CCDC102B: variants seen among roughly 807,000 people sequenced by gnomAD.
The protein encoded by CCDC102B is coiled-coil domain containing 102B.
CCDC102B carries 75 observed loss-of-function variants against 57.4 expected under a neutral mutation model. The observed-to-expected ratio is 1.31, with a 90% CI of 1.08 to 1.58. CCDC102B has a LOEUF of 1.58. Ranked by LOEUF, CCDC102B falls within the 40% of genes most tolerant of loss-of-function variation. The probability of loss-of-function intolerance (pLI) is 0.00; values close to 1 mark genes in which losing one functional copy is unlikely to be tolerated. For missense variants in CCDC102B, 636 were observed against 582.6 expected, an observed-to-expected ratio of 1.09 and a Z score of -0.94; for synonymous variants, 206 against 201.9, an observed-to-expected ratio of 1.02 and a Z score of -0.17.
chr18:68,777,248 T>C (rs2144626412), intron 2 of CCDC102B, among the ~76,000 whole-genome samples: 1 of 152,342 alleles, frequency 6.6e-6, no homozygotes, highest in East Asian at 1.9e-4. Flanking sequence ...CTTTGCTGTA[T>C]CTTTCTTCTC....
At chr18:68,942,013 TCGTA>T (rs2049392836) in intron 6 of CCDC102B, among the ~76,000 whole-genome samples, 1 of 151,992 alleles carries the variant, frequency 6.6e-6, no homozygotes, top group South Asian at 2.1e-4. Flanking sequence ...GCTCGTCAAC[TCGTA>T]CTGAAAAAGC....
chr18:68,820,339 T>C (rs191762137), intron 1 of CCDC102B, among the ~76,000 whole-genome samples: 1 of 152,284 alleles, frequency 6.6e-6, no homozygotes, highest in Non-Finnish European at 1.5e-5. Flanking sequence ...TAACATGGTT[T>C]ATTAAGTCAA....
At chr18:68,804,216 T>C (rs1290761320) in intron 1 of CCDC102B, among the ~76,000 whole-genome samples, 1 of 152,218 alleles carries the variant, frequency 6.6e-6, no homozygotes, top group Non-Finnish European at 1.5e-5. Context: ...AAGTTTGGTC[T>C]GTAAACCTAG....
At chr18:68,771,017 G>A (rs2034622277) in intron 2 of CCDC102B, among the ~76,000 whole-genome samples, 1 of 152,180 alleles carries the variant, frequency 6.6e-6, no homozygotes, top group Non-Finnish European at 1.5e-5. Flanking sequence ...GTTCTGCAGG[G>A]ACCTAGATTG....
chr18:68,868,481 C>A (rs1008920011), intron 4 of CCDC102B, among the ~76,000 whole-genome samples: 1 of 152,162 alleles, frequency 6.6e-6, no homozygotes, highest in Non-Finnish European at 1.5e-5. Flanking sequence ...GCTTATCTGC[C>A]CATTTGAAGA....
chr18:68,818,715 G>A (rs6566390), intron 1 of CCDC102B, among the ~76,000 whole-genome samples: 65,649 of 151,932 alleles, frequency 0.43, 15,473 homozygotes, highest in East Asian at 0.86. Context: ...ATCTGTTTTT[G>A]TTGTTACACA....
chr18:68,902,465 G>GTT (rs531145835), intron 6 of CCDC102B, among the ~76,000 whole-genome samples: 12 of 152,250 alleles, frequency 7.9e-5, no homozygotes, highest in Non-Finnish European at 1.5e-4. Context: ...TGGGTCAGAG[G>GTT]TTTGAGCTAT....
chr18:68,832,385 G>A (rs966739760), intron 1 of CCDC102B, among the ~76,000 whole-genome samples: 13 of 152,086 alleles, frequency 8.5e-5, no homozygotes, highest in Non-Finnish European at 1.9e-4. Context: ...TGTTAGTTTG[G>A]TTTATTGTTT....
At chr18:68,800,164 A>G (rs1423072924) in intron 1 of CCDC102B, among the ~76,000 whole-genome samples, 1 of 152,270 alleles carries the variant, frequency 6.6e-6, no homozygotes, top group East Asian at 1.9e-4. Flanking sequence ...AGAAACGTTC[A>G]ATGATTTGCT....
intron 6 of CCDC102B, among the ~76,000 whole-genome samples, chr18:68,934,755 C>A (rs927489199): frequency 6.6e-6 from 1 of 151,212 alleles, no homozygotes; most frequent in African/African-American, 2.4e-5. Context: ...TATATTCAAA[C>A]GTAGTTATGA....
chr18:68,821,423 T>G (rs2036685224), intron 1 of CCDC102B, among the ~76,000 whole-genome samples: 1 of 151,188 alleles, frequency 6.6e-6, no homozygotes, highest in African/African-American at 2.4e-5. Flanking sequence ...ATAACTTGTT[T>G]GGATGCACTA....
chr18:69,013,655 G>C lies in CCDC102B; in HGVS notation c.1434+2551G>C, dbSNP rs561191033. ...TACACTGGAAAGCCAGTAATTTACA[G>C]AATGAGCTTGTGATTTTTAGGTGAA... On this transcript the variant is annotated intron_variant, in intron 7 of 7. Coordinates refer to ENST00000360242, the MANE Select transcript of CCDC102B (RefSeq NM_024781.3). Among the ~76,000 whole-genome samples, 12 of 152,338 alleles carry C rather than the reference G, an allele frequency of 7.9e-5. 1 individual carries two copies. In the East Asian group the frequency reaches 1.5e-3, roughly 20 times the overall value.
At position 69,000,075 on chromosome 18, in the gene CCDC102B, G is replaced by A. The variant is rs368171005; in HGVS notation, c.1264-10859G>A. ...CACATAAGGAATGTCTATTACCTAT[G>A]TTTCTTTCTAAGTCCCTCCAAAGGC... On this transcript the variant is annotated intron_variant, in intron 6 of 7. Coordinates refer to ENST00000360242, the MANE Select transcript of CCDC102B (RefSeq NM_024781.3). Among the ~76,000 whole-genome samples the A allele has an allele frequency of 1.8e-4, 27 of 152,202 alleles. No individual in the cohort carries two copies. In the East Asian group the frequency reaches 3.1e-3, roughly 17 times the overall value.
intron 5 of CCDC102B, among the ~76,000 whole-genome samples, chr18:68,886,699 A>G (rs1461263823): frequency 2.0e-5 from 3 of 152,034 alleles, no homozygotes; most frequent in Non-Finnish European, 4.4e-5. Context: ...AACCATTTTG[A>G]TTGTCAAAGG....
chr18:68,918,400 T>C (rs1437305637), intron 6 of CCDC102B, among the ~76,000 whole-genome samples: 2 of 152,176 alleles, frequency 1.3e-5, no homozygotes, highest in Admixed American at 1.3e-4. Flanking sequence ...TATGGTTGAT[T>C]CTGTGTCTAC....
intron 6 of CCDC102B, among the ~76,000 whole-genome samples, chr18:68,958,917 T>G (rs2049976720): frequency 6.6e-6 from 1 of 152,178 alleles, no homozygotes. Context: ...GTGTTATATT[T>G]TATTTTTGTT....
chr18:68,751,959 A>T (rs562947942), intron 2 of CCDC102B, among the ~76,000 whole-genome samples: 1 of 152,190 alleles, frequency 6.6e-6, no homozygotes, highest in Non-Finnish European at 1.5e-5. Flanking sequence ...GCAACCAGAA[A>T]AAAAGACAGA....
At chr18:68,787,436 C>T (rs1485605174) in intron 2 of CCDC102B, among the ~76,000 whole-genome samples, 2 of 150,514 alleles carry the variant, frequency 1.3e-5, no homozygotes, top group African/African-American at 2.5e-5. Context: ...TGGTAGAATT[C>T]GGCTGTGAAT....
intron 5 of CCDC102B, among the ~76,000 whole-genome samples, chr18:68,895,564 A>G (rs2040213685): frequency 6.6e-6 from 1 of 151,924 alleles, no homozygotes; most frequent in East Asian, 1.9e-4. Context: ...CAACAATGTT[A>G]AAACAAGTAA....
Sources: allele counts gnomAD v4.1 joint callset (sites outside exome capture counted in the v4.1 genomes callset), GRCh38; gene constraint gnomAD v4.1.1; transcripts MANE v1.5; gene names NCBI Gene and HGNC (gene_info 2026-07-23, HGNC 2026-07-21).